Variants in HDX observed in about 807,000 individuals in gnomAD.
HDX encodes the protein chromosome X open reading frame 43.
Under a neutral mutation model 45.2 loss-of-function variants are expected in HDX, and 19 were observed. The ratio of observed to expected loss-of-function variants is 0.42; its 90% CI spans 0.29 to 0.62. The LOEUF is 0.62. HDX is among the 20% of genes least tolerant of loss of function. The pLI is 0.20. For missense variants in HDX, 532 were observed against 493.9 expected (o/e 1.08, Z -0.73); for synonymous variants, 188 against 172.8 (o/e 1.09, Z -0.69).
At chrX:84,456,406 A>G (rs2040114220) in intron 4 of HDX, among the ~76,000 whole-genome samples, 1 of 111,584 alleles carries the variant, frequency 9.0e-6, no homozygotes, top group Non-Finnish European at 1.9e-5. Context: ...CAAAATAGAA[A>G]TGAAAACATA....
chrX:84,382,244 G>A, intron 5 of HDX, among the ~76,000 whole-genome samples: 1 of 111,643 alleles, frequency 9.0e-6, no homozygotes, highest in African/African-American at 3.2e-5. Context: ...CACACTGTTG[G>A]TGGAAATGTA....
intron 5 of HDX, among the ~76,000 whole-genome samples, chrX:84,433,684 C>T (rs1353546004): frequency 9.0e-6 from 1 of 111,113 alleles, no homozygotes; most frequent in African/African-American, 3.3e-5. Flanking sequence ...TCCTTGGTTC[C>T]ATATAAATTT....
intron 5 of HDX, among the ~76,000 whole-genome samples, chrX:84,429,596 A>G (rs2039457738): frequency 9.0e-6 from 1 of 110,549 alleles, no homozygotes; most frequent in Admixed American, 9.7e-5. Context: ...GATTTTATAT[A>G]TAAATTATCA....
At chrX:84,407,803 G>A (rs1202700337) in intron 5 of HDX, among the ~76,000 whole-genome samples, 3 of 111,597 alleles carry the variant, frequency 2.7e-5, no homozygotes, top group Admixed American at 9.6e-5. Flanking sequence ...GAGATACTGA[G>A]CATTTTTTTC....
chrX:84,422,754 C>T (rs764075239), intron 5 of HDX, among the ~76,000 whole-genome samples: 118 of 101,191 alleles, frequency 1.2e-3, no homozygotes, highest in Middle Eastern at 5.2e-3. Context: ...CTGCAAGCTC[C>T]GCCTCCTGGG....
At position 84,469,141 on chromosome X, in the gene HDX, C is replaced by A. The variant is rs867333510; in HGVS notation, c.582G>T (p.Lys194Asn). Residue 194 changes from lysine to asparagine, a missense_variant, in exon 4 of 11, where the codon AAG becomes AAT. Physicochemically the swap from Lys to Asn is moderately conservative, Grantham distance 94. Transcript: ENST00000373177. Reference protein sequence around the residue: ...NAGNSVFNHAKKNYGNSSVQA... With the variant: ...NAGNSVFNHANKNYGNSSVQA... ...GTACTGAAGAGTTTCCATAGTTTTT[C>A]TTTGCGTGATTGAATACTGAGTTTC... is the stretch of plus-strand genomic sequence containing the variant. 2 of 1,208,366 alleles carry A rather than the reference C, an allele frequency of 1.7e-6. No homozygotes were observed. The highest frequency in any genetic ancestry group is 2.2e-6 in the Non-Finnish European group (2 of 894,504).
At chrX:84,436,562 T>A (rs2039641936) in intron 5 of HDX, among the ~76,000 whole-genome samples, 1 of 111,817 alleles carries the variant, frequency 8.9e-6, no homozygotes, top group African/African-American at 3.2e-5. Context: ...TAAAATTGTA[T>A]TCTTATTTTC....
chrX:84,464,321 A>G (rs1275738543), intron 4 of HDX, among the ~76,000 whole-genome samples: 1 of 111,580 alleles, frequency 9.0e-6, no homozygotes, highest in Non-Finnish European at 1.9e-5. Context: ...ATTAGAAAAA[A>G]CTACTTTAAA....
intron 5 of HDX, among the ~76,000 whole-genome samples, chrX:84,404,490 T>G (rs1332269500): frequency 9.0e-6 from 1 of 111,599 alleles, no homozygotes; most frequent in African/African-American, 3.2e-5. Flanking sequence ...TTAAGAATAC[T>G]GTAGCATAAT....
At position 84,369,341 on chromosome X, in the gene HDX, T is replaced by G. The variant is rs771137491; in HGVS notation, c.1306-7729A>C. Among the ~76,000 whole-genome samples, 6 of 112,274 alleles carry G rather than the reference T, an allele frequency of 5.3e-5. No individual in the cohort carries two copies. In the East Asian group the frequency reaches 1.7e-3, roughly 31 times the overall value. On this transcript the variant is annotated intron_variant, in intron 5 of 10. Coordinates refer to ENST00000373177, the MANE Select transcript of HDX (RefSeq NM_001177479.2). ...TTCATTGATGGATATTTAGATTGTT[T>G]CCATGTTTTGGCTGTTGTGAATAAT...
At chrX:84,448,965 C>T (rs776346353) in intron 4 of HDX, among the ~76,000 whole-genome samples, 6 of 108,113 alleles carry the variant, frequency 5.5e-5, no homozygotes, top group Non-Finnish European at 5.7e-5. Context: ...AAAAGAAATT[C>T]TGGAAAAATT....
At chrX:84,479,046 T>G (rs2040613912) in intron 2 of HDX, among the ~76,000 whole-genome samples, 1 of 112,198 alleles carries the variant, frequency 8.9e-6, no homozygotes, top group African/African-American at 3.2e-5. Context: ...ATGTCTGTAT[T>G]AATATTGTAC....
chrX:84,345,227 C>G, intron 6 of HDX, among the ~76,000 whole-genome samples: 1 of 111,336 alleles, frequency 9.0e-6, no homozygotes, highest in Non-Finnish European at 1.9e-5. Flanking sequence ...ATAATTATAG[C>G]AAAATATCAA....
At chrX:84,375,786 C>G (rs1336371250) in intron 5 of HDX, among the ~76,000 whole-genome samples, 1 of 110,027 alleles carries the variant, frequency 9.1e-6, no homozygotes, top group Non-Finnish European at 1.9e-5. Flanking sequence ...GGAGATATAC[C>G]TAATGCTAAA....
chrX:84,357,370 A>C (rs1267545913), intron 6 of HDX, among the ~76,000 whole-genome samples: 2 of 111,930 alleles, frequency 1.8e-5, no homozygotes, highest in African/African-American at 6.5e-5. Context: ...TACCTAGAAA[A>C]TAACTCAAGC....
intron 5 of HDX, among the ~76,000 whole-genome samples, chrX:84,370,048 T>C (rs2037855634): frequency 8.9e-6 from 1 of 112,063 alleles, no homozygotes; most frequent in African/African-American, 3.2e-5. Flanking sequence ...TAGACTGAGT[T>C]AAGTAGATTG....
At chrX:84,456,740 A>T (rs1384170587) in intron 4 of HDX, among the ~76,000 whole-genome samples, 1 of 111,837 alleles carries the variant, frequency 8.9e-6, no homozygotes, top group Non-Finnish European at 1.9e-5. Flanking sequence ...CTTATATCAG[A>T]CAAAATAGAT....
intron 4 of HDX, among the ~76,000 whole-genome samples, chrX:84,456,686 A>G (rs1297299500): frequency 9.0e-6 from 1 of 111,625 alleles, no homozygotes; most frequent in African/African-American, 3.3e-5. Flanking sequence ...ATGAAAAACA[A>G]ATTCCTTGTT....
intron 6 of HDX, among the ~76,000 whole-genome samples, chrX:84,357,233 C>A (rs181356904): frequency 9.0e-6 from 1 of 111,181 alleles, no homozygotes; most frequent in Non-Finnish European, 1.9e-5. Flanking sequence ...TCAGTTGGAG[C>A]AGATCAGAAA....
Sources: allele counts gnomAD v4.1 joint callset (sites outside exome capture counted in the v4.1 genomes callset), GRCh38; gene constraint gnomAD v4.1.1; transcripts MANE v1.5; gene names NCBI Gene and HGNC (gene_info 2026-07-23, HGNC 2026-07-21).